ABCA1: variants seen among roughly 807,000 people sequenced by gnomAD.
ABCA1 encodes ATP binding cassette subfamily A member 1, also known as phospholipid-transporting ATPase ABCA1.
ABCA1 carries 133 observed loss-of-function variants against 262.5 expected under a neutral mutation model. The observed-to-expected ratio is 0.51, with a 90% CI of 0.44 to 0.59. ABCA1 has a LOEUF of 0.59. Ranked by LOEUF, ABCA1 falls within the 20% of genes least tolerant of loss-of-function variation. The pLI, the probability that ABCA1 is intolerant of heterozygous loss-of-function variation, is 0.00. For missense variants in ABCA1, 2,452 were observed against 2,777.5 expected, an observed-to-expected ratio of 0.88 and a Z score of 2.63; for synonymous variants, 1,022 against 1,043.5, an observed-to-expected ratio of 0.98 and a Z score of 0.40.
rs398046733 is a variant in ABCA1 at position 104,841,436 on chromosome 9, T to TA, written c.814-918dup. On this transcript the variant is annotated intron_variant, in intron 8 of 49. Transcript: ENST00000374736. ...GGGCGACAAAAGCAAGACTCAGTCT[T>TA]AAAAAAAAAAGAAAAAGAAAAAGAA... Among the ~76,000 whole-genome samples, 337 of 139,526 alleles carry TA rather than the reference T, an allele frequency of 2.4e-3. 4 individuals carry two copies. The highest frequency in any genetic ancestry group is 0.018 in the Middle Eastern group (5 of 282). 91.5% of individuals were successfully genotyped at this position (139,526 alleles called of 152,430 possible).
In ABCA1 at chr9:104,875,660, TA is replaced by T. The variant is rs35543524; in HGVS notation, c.421+7378del. On this transcript the variant is annotated intron_variant, in intron 5 of 49. Coordinates refer to ENST00000374736, the MANE Select transcript of ABCA1 (RefSeq NM_005502.4). ...TAAGCTTCAGAGAGCTCCACAACCTTAAAAAAAAAAGGTATTTCAGAATCCC... is the reference window on the plus strand; with the variant it reads ...TAAGCTTCAGAGAGCTCCACAACCTTAAAAAAAAAGGTATTTCAGAATCCC... 6.7e-5 allele frequency among the ~76,000 whole-genome samples: 10 copies of T among 148,438 alleles called. No individual in the cohort carries two copies. In the East Asian group the frequency reaches 1.2e-3, roughly 17 times the overall value.
intron 1 of ABCA1, among the ~76,000 whole-genome samples, chr9:104,919,572 A>G (rs927710700): frequency 6.6e-6 from 1 of 152,006 alleles, no homozygotes; most frequent in Non-Finnish European, 1.5e-5. Context: ...AGATTGCGCC[A>G]CTGCACTCCA....
rs533455346 is a variant in ABCA1, at chr9:104,842,924, C to T, written c.814-2405G>A. ...CTGCTCTGAGCTCCTCTCCTCCCCC[C>T]ACCACTTGCTCACTTTCCCTGGTCC... On this transcript the variant is annotated intron_variant, in intron 8 of 49. Transcript: ENST00000374736. Among the ~76,000 whole-genome samples, 7 of 152,300 alleles carry T rather than the reference C, an allele frequency of 4.6e-5. No individual in the cohort carries two copies. In the East Asian group the frequency reaches 7.7e-4, roughly 17 times the overall value.
chr9:104,891,660 A>C (rs1839755831), intron 2 of ABCA1, among the ~76,000 whole-genome samples: 2 of 151,588 alleles, frequency 1.3e-5, no homozygotes, highest in African/African-American at 4.9e-5. Flanking sequence ...CAGTGGATGT[A>C]CTAGGATGAT....
intron 7 of ABCA1, among the ~76,000 whole-genome samples, chr9:104,856,698 A>T (rs1835868604): frequency 6.6e-6 from 1 of 152,208 alleles, no homozygotes; most frequent in African/African-American, 2.4e-5. Context: ...AACAGAAGTG[A>T]AATGGAATGA....
chr9:104,925,711 G>A (rs1826269407), intron 1 of ABCA1, among the ~76,000 whole-genome samples: 1 of 152,142 alleles, frequency 6.6e-6, no homozygotes, highest in Non-Finnish European at 1.5e-5. Context: ...AATGGTTTGT[G>A]GAAGCACTTG....
At position 104,858,593 on chromosome 9, in the gene ABCA1, G is replaced by A; in HGVS notation, c.649C>T (p.Leu217=). 6.2e-7 allele frequency: 1 copy of A among 1,614,154 alleles called. No homozygotes were observed. Among genetic ancestry groups the A allele is most frequent in the South Asian group, 1.1e-5 (1 of 91,076 alleles). ...GCTGCAGCCAGTTTCTCCCTTGGTAGGCCACAAAGCTCAGAAACTTCTTGG... is the reference window on the plus strand; with the variant it reads ...GCTGCAGCCAGTTTCTCCCTTGGTAAGCCACAAAGCTCAGAAACTTCTTGG... The part of the protein sequence containing the change: ...GDQEVSELCG[L]PREKLAAAER... Residue 217 remains leucine, a synonymous_variant, in exon 7 of 50, where the codon CTA becomes TTA. Transcript: ENST00000374736.
intron 15 of ABCA1, among the ~76,000 whole-genome samples, 196 bp from the exon 16 acceptor site, chr9:104,827,365 C>T (rs1369576674): frequency 6.6e-6 from 1 of 152,188 alleles, no homozygotes; most frequent in Non-Finnish European, 1.5e-5. Flanking sequence ...CAAAACTACG[C>T]AGAAAAATAA....
chr9:104,905,689 T>A (rs898333709), intron 1 of ABCA1, among the ~76,000 whole-genome samples: 2 of 152,216 alleles, frequency 1.3e-5, no homozygotes, highest in Non-Finnish European at 2.9e-5. Context: ...CAAATTGTTT[T>A]CTAAGTGGCT....
At chr9:104,792,265 T>G (rs536634570) in intron 42 of ABCA1, among the ~76,000 whole-genome samples, 7 of 152,304 alleles carry the variant, frequency 4.6e-5, no homozygotes, top group South Asian at 2.1e-4. Flanking sequence ...TCTACATAAT[T>G]TTTCATCTAT....
chr9:104,837,671 TACC>T, intron 9 of ABCA1, 104 bp from the exon 10 acceptor site: 1 of 1,345,564 alleles, frequency 7.4e-7, no homozygotes, highest in Non-Finnish European at 1.0e-6. Flanking sequence ...ACCCCAGCTC[TACC>T]ACTACTAGTC....
chr9:104,782,430 G>A lies in ABCA1; in HGVS notation c.*1885C>T, dbSNP rs1297869083. Reference sequence around the variant, plus strand: ...TTAATATTCAAATTCTGGAAAAAGTGGAAGAAGTTAGTAATGATATTGAAA... The same window carrying A: ...TTAATATTCAAATTCTGGAAAAAGTAGAAGAAGTTAGTAATGATATTGAAA... On this transcript the variant is annotated 3_prime_UTR_variant, in exon 50 of 50. Coordinates refer to ENST00000374736, the MANE Select transcript of ABCA1 (RefSeq NM_005502.4). 6.6e-6 allele frequency: 1 copy of A among 152,062 alleles called. No homozygotes were observed. The highest frequency in any genetic ancestry group is 6.6e-5 in the Admixed American group (1 of 15,262). 9.4% of individuals were successfully genotyped at this position (152,062 alleles called of 1,614,324 possible). A position where few individuals can be genotyped will look rare whatever the true frequency, so the allele number is the denominator to read the frequency against.
In ABCA1 at chr9:104,793,430, C is replaced by G. The variant is rs4149327; in HGVS notation, c.5507-130G>C. The G allele has an allele frequency of 0.13, 168,785 of 1,306,800 alleles. 15,260 individuals are homozygous for G. The highest frequency in any genetic ancestry group is 0.4 in the East Asian group (16,385 of 40,674). The allele number at this position is 1,306,800 out of a possible 1,614,324, so 81.0% of individuals were successfully genotyped here. On this transcript the variant is annotated intron_variant, in intron 40 of 49. Coordinates refer to ENST00000374736, the MANE Select transcript of ABCA1 (RefSeq NM_005502.4). Reference sequence around the variant, plus strand: ...AAACACAAATGGCTATCACCCATGACAAGGAAAAAAGAGTAACAAGAGAGT... The same window carrying G: ...AAACACAAATGGCTATCACCCATGAGAAGGAAAAAAGAGTAACAAGAGAGT...
At chr9:104,900,175 A>G (rs1283739646) in intron 2 of ABCA1, among the ~76,000 whole-genome samples, 1 of 152,172 alleles carries the variant, frequency 6.6e-6, no homozygotes, top group Non-Finnish European at 1.5e-5. Flanking sequence ...TATACCATTC[A>G]GCTCCAGGCT....
chr9:104,857,251 C>T (rs775292879), intron 7 of ABCA1, among the ~76,000 whole-genome samples: 14 of 151,646 alleles, frequency 9.2e-5, no homozygotes, highest in Non-Finnish European at 2.1e-4. Flanking sequence ...TGCAGTGAGT[C>T]GAGATCGCGC....
intron 2 of ABCA1, among the ~76,000 whole-genome samples, chr9:104,894,128 GC>G (rs11304201): frequency 0.15 from 22,461 of 152,120 alleles, 1,790 homozygotes; most frequent in Middle Eastern, 0.23. Context: ...CCATCATGCT[GC>G]CATCACAAAG....
intron 1 of ABCA1, among the ~76,000 whole-genome samples, chr9:104,926,862 G>A (rs1040911599): frequency 1.3e-5 from 2 of 152,210 alleles, no homozygotes; most frequent in East Asian, 1.9e-4. Flanking sequence ...GGAGAGGGAG[G>A]ATTGGGCACC....
Position 104,861,308 on chromosome 9 carries a change from T to C in ABCA1, c.543+371A>G, listed in dbSNP as rs1836363666. On this transcript the variant is annotated intron_variant, in intron 6 of 49. Coordinates refer to ENST00000374736, the MANE Select transcript of ABCA1 (RefSeq NM_005502.4). ...TCTAAAGTCTCCTGTCCTCAATTTT[T>C]TAGACAGAGCTCCTCCAGATCAATA... 3 of 363,664 alleles carry C rather than the reference T, an allele frequency of 8.2e-6. No homozygotes were observed. In the Admixed American group the frequency reaches 1.3e-4, roughly 16 times the overall value. 22.5% of individuals were successfully genotyped at this position (363,664 alleles called of 1,614,324 possible). A position where few individuals can be genotyped will look rare whatever the true frequency, so the allele number is the denominator to read the frequency against.
At chr9:104,819,806 G>A (rs776020903) in intron 21 of ABCA1, 83 bp from the exon 22 acceptor site, 212 of 1,611,494 alleles carry the variant, frequency 1.3e-4, no homozygotes, top group Non-Finnish European at 1.7e-4. Context: ...CACAGCCAGG[G>A]ACAAGTTTCT....
Sources: allele counts gnomAD v4.1 joint callset (sites outside exome capture counted in the v4.1 genomes callset), GRCh38; gene constraint gnomAD v4.1.1; transcripts MANE v1.5; gene names NCBI Gene and HGNC (gene_info 2026-07-23, HGNC 2026-07-21).